The following MAGI3 variants were observed in gnomAD, a reference collection of about 807,000 sequenced individuals.
MAGI3 encodes the protein membrane-associated guanylate kinase, WW and PDZ domain-containing protein 3.
In MAGI3, 43 loss-of-function variants were observed where a neutral mutation model predicts 121.8. The ratio of observed to expected loss-of-function variants is 0.35; its 90% CI spans 0.28 to 0.46. The LOEUF (loss-of-function observed/expected upper bound fraction) is 0.46. Ranked by LOEUF, MAGI3 falls within the 20% of genes least tolerant of loss-of-function variation. The probability of loss-of-function intolerance (pLI) is 1.00; values close to 1 mark genes in which losing one functional copy is unlikely to be tolerated. For synonymous variants in MAGI3, 553 were observed against 639.3 expected, an observed-to-expected ratio of 0.86 and a Z score of 2.04; for missense variants, 1,547 against 1,797.3, an observed-to-expected ratio of 0.86 and a Z score of 2.52.
intron 1 of MAGI3, among the ~76,000 whole-genome samples, chr1:113,534,755 G>GT (rs1483233954): frequency 6.6e-6 from 1 of 151,820 alleles, no homozygotes; most frequent in Non-Finnish European, 1.5e-5. Context: ...TGTCCTCTTC[G>GT]TTTTATTTAT....
intron 1 of MAGI3, among the ~76,000 whole-genome samples, chr1:113,526,311 C>T (rs11102646): frequency 0.063 from 9,659 of 152,176 alleles, 343 homozygotes; most frequent in Non-Finnish European, 0.076. Context: ...GGGCAGCTAA[C>T]TTAGAACTGG....
intron 1 of MAGI3, among the ~76,000 whole-genome samples, chr1:113,437,774 CTTCT>C (rs1372847356): frequency 1.4e-5 from 2 of 141,530 alleles, no homozygotes; most frequent in African/African-American, 2.9e-5. Flanking sequence ...TTTCTTCTTC[CTTCT>C]TTCTTCTTCT....
At chr1:113,550,858 TAAG>T (rs1659756934) in intron 2 of MAGI3, among the ~76,000 whole-genome samples, 1 of 151,118 alleles carries the variant, frequency 6.6e-6, no homozygotes, top group Non-Finnish European at 1.5e-5. Flanking sequence ...CCTTATGCAG[TAAG>T]AAGACTTTTT....
At chr1:113,495,245 A>G (rs1397810329) in intron 1 of MAGI3, among the ~76,000 whole-genome samples, 9 of 152,180 alleles carry the variant, frequency 5.9e-5, no homozygotes, top group Non-Finnish European at 1.2e-4. Context: ...AGGCTCTCAT[A>G]TAAATATAAC....
At chr1:113,525,537 A>G (rs1658409722) in intron 1 of MAGI3, among the ~76,000 whole-genome samples, 1 of 151,824 alleles carries the variant, frequency 6.6e-6, no homozygotes, top group South Asian at 2.1e-4. Flanking sequence ...TGATAGTAAA[A>G]GTAGCCTTCA....
chr1:113,416,210 T>TTATGTGTAATTAATGACACA (rs1557744156), intron 1 of MAGI3, among the ~76,000 whole-genome samples: 1 of 80,952 alleles, frequency 1.2e-5, no homozygotes, highest in Non-Finnish European at 3.0e-5. Flanking sequence ...ATGACACATA[T>TTATGTGTAATTAATGACACA]TATTATGTGT....
intron 1 of MAGI3, among the ~76,000 whole-genome samples, chr1:113,416,331 T>TTAATCATAC (rs1557744636): frequency 9.5e-5 from 7 of 73,558 alleles, no homozygotes; most frequent in Admixed American, 5.6e-4. Flanking sequence ...ATTAATTATA[T>TTAATCATAC]ATCAATCATA....
intron 2 of MAGI3, among the ~76,000 whole-genome samples, chr1:113,559,122 C>T (rs887790642): frequency 1.2e-4 from 19 of 152,286 alleles, no homozygotes; most frequent in Non-Finnish European, 1.0e-4. Flanking sequence ...AGACCAGTGA[C>T]GTTATGAAGC....
chr1:113,633,183 T>C (rs1360661425), intron 9 of MAGI3, among the ~76,000 whole-genome samples: 1 of 148,310 alleles, frequency 6.7e-6, no homozygotes, highest in Non-Finnish European at 1.5e-5. Flanking sequence ...GATATTTTAC[T>C]GAGCATGATG....
intron 10 of MAGI3, among the ~76,000 whole-genome samples, chr1:113,643,228 A>G (rs1652648016): frequency 6.6e-6 from 1 of 152,260 alleles, no homozygotes. Context: ...CTTAAAGAAT[A>G]AAAGCCACTT....
intron 6 of MAGI3, among the ~76,000 whole-genome samples, chr1:113,611,602 G>A (rs1020908749): frequency 1.3e-5 from 2 of 151,988 alleles, no homozygotes; most frequent in Non-Finnish European, 2.9e-5. Context: ...CAGTCTATTA[G>A]TGTTTATCTT....
chr1:113,436,588 T>C (rs1417827063), intron 1 of MAGI3, among the ~76,000 whole-genome samples: 1 of 152,174 alleles, frequency 6.6e-6, no homozygotes, highest in Non-Finnish European at 1.5e-5. Flanking sequence ...ATGGAAAGGA[T>C]ATTATTTAAC....
At chr1:113,568,179 T>A (rs1302447928) in intron 2 of MAGI3, among the ~76,000 whole-genome samples, 1 of 152,084 alleles carries the variant, frequency 6.6e-6, no homozygotes. Flanking sequence ...ACTATTAGAA[T>A]TAGTGCATTC....
Position 113,641,985 on chromosome 1 carries a change from T to C in MAGI3, c.1435T>C (p.Leu479=), listed in dbSNP as rs752405704. 3.7e-6 allele frequency: 6 copies of C among 1,613,992 alleles called. No individual in the cohort carries two copies. The highest frequency in any genetic ancestry group is 1.1e-5 in the South Asian group (1 of 91,080). The change falls in exon 10 of 21, where the codon TTG becomes CTG. Residue 479 remains leucine, a synonymous_variant. Transcript: ENST00000307546. ...TGCAGATGTTGTCCAGATGTTTCAA[T>C]TGGTACCTGTCAATCAGTATGTAAA... ...THADVVQMFQ[L]VPVNQYVNLT...
intron 1 of MAGI3, among the ~76,000 whole-genome samples, chr1:113,429,950 A>G (rs1653217322): frequency 6.6e-6 from 1 of 152,116 alleles, no homozygotes; most frequent in Non-Finnish European, 1.5e-5. Flanking sequence ...CTAACTAAAC[A>G]ACTGGTTCTG....
intron 1 of MAGI3, among the ~76,000 whole-genome samples, chr1:113,412,816 A>G (rs1223681636): frequency 1.3e-5 from 2 of 152,006 alleles, no homozygotes; most frequent in African/African-American, 4.8e-5. Context: ...ATTTTCTCCC[A>G]TTCTGTAGGT....
chr1:113,405,453 G>A (rs1651620872), intron 1 of MAGI3, among the ~76,000 whole-genome samples: 1 of 127,164 alleles, frequency 7.9e-6, no homozygotes, highest in Non-Finnish European at 1.6e-5. Context: ...ATACTGCCTG[G>A]GCAACAGAGT....
At chr1:113,669,154 C>T (rs910038485) in intron 16 of MAGI3, among the ~76,000 whole-genome samples, 24 of 152,140 alleles carry the variant, frequency 1.6e-4, no homozygotes, top group Non-Finnish European at 2.8e-4. Context: ...TAATAGTAAC[C>T]ATGAATTTAC....
chr1:113,394,007 C>T (rs574578907), intron 1 of MAGI3, among the ~76,000 whole-genome samples: 3 of 152,284 alleles, frequency 2.0e-5, no homozygotes, highest in Admixed American at 6.5e-5. Flanking sequence ...ATATTGTCTT[C>T]TGACAAAGTC....
Sources: gnomAD v4.1 joint callset for allele counts (sites outside exome capture counted in the v4.1 genomes callset) on GRCh38, gnomAD v4.1.1 for gene constraint, MANE v1.5 for transcripts, NCBI Gene and HGNC (gene_info 2026-07-23, HGNC 2026-07-21) for gene names.